Variants in CAMK2D observed in about 807,000 individuals in gnomAD.
CAMK2D encodes calcium/calmodulin-dependent protein kinase type II subunit delta.
Under a neutral mutation model 84.0 loss-of-function variants are expected in CAMK2D, and 37 were observed. The observed-to-expected ratio is 0.44, with a 90% CI of 0.34 to 0.58. The LOEUF (loss-of-function observed/expected upper bound fraction) is 0.58, where lower values mean the gene tolerates loss of function less well. Among genes scored for constraint, CAMK2D ranks in the 20% least tolerant of loss-of-function variants. The probability of loss-of-function intolerance (pLI) is 0.02; values close to 1 mark genes in which losing one functional copy is unlikely to be tolerated. For missense variants in CAMK2D, 448 were observed against 652.5 expected (o/e 0.69, Z 3.41); for synonymous variants, 202 against 212.5 (o/e 0.95, Z 0.43).
intron 7 of CAMK2D, among the ~76,000 whole-genome samples, chr4:113,534,163 G>T (rs933390162): frequency 6.6e-6 from 1 of 151,874 alleles, no homozygotes; most frequent in African/African-American, 2.4e-5. Context: ...AAATATATGG[G>T]ACTATAATGG....
chr4:113,465,441 A>G (rs1454047656), intron 17 of CAMK2D, 88 bp downstream of exon 17: 7 of 773,596 alleles, frequency 9.0e-6, no homozygotes, highest in Middle Eastern at 4.8e-4. Context: ...AATTAAATAT[A>G]TGTGAATTCA....
At chr4:113,624,032 A>G (rs1212151430) in intron 3 of CAMK2D, among the ~76,000 whole-genome samples, 2 of 152,114 alleles carry the variant, frequency 1.3e-5, no homozygotes, top group African/African-American at 2.4e-5. Flanking sequence ...TGCCTACTCC[A>G]GTCCCTACCA....
intron 15 of CAMK2D, among the ~76,000 whole-genome samples, chr4:113,502,088 A>G (rs1304662426): frequency 6.6e-6 from 1 of 152,116 alleles, no homozygotes; most frequent in African/African-American, 2.4e-5. Context: ...ATGCATGACT[A>G]TATCTAATAT....
intron 2 of CAMK2D, among the ~76,000 whole-genome samples, chr4:113,688,060 T>C (rs1175467691): frequency 6.6e-6 from 1 of 152,198 alleles, no homozygotes; most frequent in Non-Finnish European, 1.5e-5. Context: ...GATTACTAAA[T>C]AATGACTGAT....
chr4:113,576,504 A>G (rs2098783273), intron 4 of CAMK2D, among the ~76,000 whole-genome samples: 1 of 152,104 alleles, frequency 6.6e-6, no homozygotes, highest in African/African-American at 2.4e-5. Context: ...GTAATCTAGA[A>G]GAGTGTGTGT....
chr4:113,464,474 A>G (rs1292326310), intron 17 of CAMK2D, among the ~76,000 whole-genome samples: 1 of 152,220 alleles, frequency 6.6e-6, no homozygotes, highest in Non-Finnish European at 1.5e-5. Context: ...TTATGATTAT[A>G]TCTTCAGCTT....
At chr4:113,687,785 CCTTTGT>C (rs1453801557) in intron 2 of CAMK2D, among the ~76,000 whole-genome samples, 1 of 152,168 alleles carries the variant, frequency 6.6e-6, no homozygotes, top group Non-Finnish European at 1.5e-5. Context: ...TTTTTATTCT[CCTTTGT>C]CTTTAAGATG....
At chr4:113,741,291 T>C (rs1437666621) in intron 2 of CAMK2D, among the ~76,000 whole-genome samples, 1 of 152,158 alleles carries the variant, frequency 6.6e-6, no homozygotes, top group Non-Finnish European at 1.5e-5. Context: ...ATGGTAAGAA[T>C]AAATCTTCTA....
At chr4:113,547,921 G>C (rs914478475) in intron 5 of CAMK2D, among the ~76,000 whole-genome samples, 1 of 152,114 alleles carries the variant, frequency 6.6e-6, no homozygotes, top group Non-Finnish European at 1.5e-5. Context: ...CCAGAATGTG[G>C]GTCCATTTGT....
Position 113,465,622 on chromosome 4 carries a change from G to C in CAMK2D, c.1136-18C>G. ...CTTTCGTGCTAAAGGCAAAAATATG[G>C]AGTTGGGTAAGAATAAAAGACAAAA... is the stretch of plus-strand genomic sequence containing the variant. On this transcript the variant is annotated intron_variant, in intron 16 of 20. Transcript: ENST00000511664. 1 of 1,492,720 alleles carries C rather than the reference G, an allele frequency of 6.7e-7. No individual in the cohort carries two copies. 92.5% of individuals were successfully genotyped at this position (1,492,720 alleles called of 1,614,324 possible).
At chr4:113,717,353 C>G (rs937402405) in intron 2 of CAMK2D, among the ~76,000 whole-genome samples, 1 of 151,880 alleles carries the variant, frequency 6.6e-6, no homozygotes, top group African/African-American at 2.4e-5. Context: ...TTGCTGGTCT[C>G]TACCCAATAT....
chr4:113,629,662 A>G (rs2099081631), intron 3 of CAMK2D, among the ~76,000 whole-genome samples: 1 of 151,896 alleles, frequency 6.6e-6, no homozygotes, highest in Non-Finnish European at 1.5e-5. Context: ...TACCTCTCTC[A>G]GTTTGGGGCC....
At position 113,513,235 on chromosome 4, in the gene CAMK2D, AT is replaced by A. The variant is rs2098240963; in HGVS notation, c.946+92del. The A allele has an allele frequency of 1.9e-6, 3 of 1,575,176 alleles. No homozygotes were observed. In the East Asian group the frequency reaches 6.8e-5, roughly 35 times the overall value. ...ACCCCTGAACAATGAAGTTTTTCTA[AT>A]TATTAGATTTTTAAAATTCCAGAGA... On this transcript the variant is annotated intron_variant, in intron 12 of 20. Transcript: ENST00000511664.
intron 3 of CAMK2D, among the ~76,000 whole-genome samples, chr4:113,625,913 C>T (rs1174341555): frequency 6.6e-6 from 1 of 151,754 alleles, no homozygotes; most frequent in Admixed American, 6.6e-5. Flanking sequence ...ACTCTAGAGG[C>T]TAAGGTGGGA....
At chr4:113,541,722 T>TGGG (rs2098531172) in intron 6 of CAMK2D, among the ~76,000 whole-genome samples, 1 of 152,208 alleles carries the variant, frequency 6.6e-6, no homozygotes, top group Non-Finnish European at 1.5e-5. Context: ...TAAAATTTCT[T>TGGG]TCCTCTATTG....
At chr4:113,745,891 T>C (rs951783193) in intron 2 of CAMK2D, among the ~76,000 whole-genome samples, 2 of 152,118 alleles carry the variant, frequency 1.3e-5, no homozygotes, top group African/African-American at 4.8e-5. Flanking sequence ...GGAAGGAATA[T>C]GATGTACCCT....
At chr4:113,616,822 T>C (rs1339776916) in intron 3 of CAMK2D, among the ~76,000 whole-genome samples, 2 of 152,192 alleles carry the variant, frequency 1.3e-5, no homozygotes, top group Admixed American at 6.5e-5. Flanking sequence ...AAGTAAATAA[T>C]AGATTTAGTA....
intron 2 of CAMK2D, among the ~76,000 whole-genome samples, chr4:113,663,931 G>A (rs1300439031): frequency 6.6e-6 from 1 of 152,080 alleles, no homozygotes. Flanking sequence ...GACTGTATTT[G>A]GAGATGGAAT....
intron 3 of CAMK2D, among the ~76,000 whole-genome samples, chr4:113,655,122 G>A (rs1020960902): frequency 3.3e-5 from 5 of 151,964 alleles, no homozygotes; most frequent in Non-Finnish European, 4.4e-5. Context: ...ATTCTTGGAA[G>A]GAAATAAAAA....
Sources: gnomAD v4.1 joint callset for allele counts (sites outside exome capture counted in the v4.1 genomes callset) on GRCh38, gnomAD v4.1.1 for gene constraint, MANE v1.5 for transcripts, NCBI Gene and HGNC (gene_info 2026-07-23, HGNC 2026-07-21) for gene names.